Variants in FAM20B observed in about 807,000 individuals in gnomAD.
The protein encoded by FAM20B is glycosaminoglycan xylosylkinase.
In FAM20B, 23 loss-of-function variants were observed where a neutral mutation model predicts 43.8. The observed-to-expected ratio is 0.53, with a 90% CI of 0.38 to 0.74. The LOEUF is 0.74. Among genes scored for constraint, FAM20B ranks in the 30% least tolerant of loss-of-function variants. The probability of loss-of-function intolerance (pLI) is 0.00; values close to 1 mark genes in which losing one functional copy is unlikely to be tolerated. For synonymous variants in FAM20B, 178 were observed against 192.4 expected, an observed-to-expected ratio of 0.93 and a Z score of 0.62; for missense variants, 440 against 510.5, an observed-to-expected ratio of 0.86 and a Z score of 1.33.
chr1:179,072,398 T>C lies in FAM20B; in HGVS notation c.*254T>C, dbSNP rs1249356286. ...TTGCTCATTCTAGGGTTGGGCATCATAGTTGGTCAGTCTTAATTCCCATGC... is the reference window on the plus strand; with the variant it reads ...TTGCTCATTCTAGGGTTGGGCATCACAGTTGGTCAGTCTTAATTCCCATGC... On this transcript the variant is annotated 3_prime_UTR_variant, in exon 8 of 8. Transcript: ENST00000263733. 2.0e-6 allele frequency: 1 copy of C among 490,132 alleles called. No individual in the cohort carries two copies. The highest frequency in any genetic ancestry group is 3.6e-5 in the East Asian group (1 of 27,446). The allele number at this position is 490,132 out of a possible 1,614,324, so 30.4% of individuals were successfully genotyped here.
At chr1:179,033,729 T>C (rs937962845) in intron 1 of FAM20B, among the ~76,000 whole-genome samples, 6 of 152,198 alleles carry the variant, frequency 3.9e-5, no homozygotes, top group African/African-American at 1.4e-4. Flanking sequence ...AGTCTTGCTC[T>C]GTCACCAGGC....
intron 1 of FAM20B, among the ~76,000 whole-genome samples, chr1:179,036,413 A>T (rs534221165): frequency 3.9e-4 from 60 of 152,356 alleles, no homozygotes; most frequent in African/African-American, 1.3e-3. Flanking sequence ...CATTAAAATA[A>T]ATGACCGTAA....
intron 1 of FAM20B, among the ~76,000 whole-genome samples, chr1:179,039,372 A>G (rs762611123): frequency 6.6e-6 from 1 of 152,238 alleles, no homozygotes; most frequent in Non-Finnish European, 1.5e-5. Context: ...GGTCAGCCCC[A>G]TGCTAGAAGG....
At position 179,072,089 on chromosome 1, in the gene FAM20B, A is replaced by C. The variant is rs774110328; in HGVS notation, c.1175A>C (p.Gln392Pro). ...GCCACCGTGAAGCAGTGCACCGACC[A>C]GTTTGGGATGGACACAGTACTGGTG... ...VLATVKQCTDQFGMDTVLVED... is the reference protein window; with the variant it reads ...VLATVKQCTDPFGMDTVLVED... Residue 392 changes from glutamine to proline, a missense_variant, in exon 8 of 8, where the codon CAG becomes CCG. Transcript: ENST00000263733. 1.9e-6 allele frequency: 3 copies of C among 1,614,142 alleles called. No individual in the cohort carries two copies. Among genetic ancestry groups the C allele is most frequent in the Non-Finnish European group, 2.5e-6 (3 of 1,180,024 alleles).
chr1:179,058,989 G>C (rs1489014675), intron 4 of FAM20B, among the ~76,000 whole-genome samples: 1 of 152,168 alleles, frequency 6.6e-6, no homozygotes, highest in Non-Finnish European at 1.5e-5. Flanking sequence ...GGGAGGTGGA[G>C]CAGAGAAAGA....
Position 179,072,018 on chromosome 1 carries a change from T to C in FAM20B, c.1104T>C (p.Ser368=). 3 of 1,614,212 alleles carry C rather than the reference T, an allele frequency of 1.9e-6. No homozygotes were observed. The highest frequency in any genetic ancestry group is 2.5e-6 in the Non-Finnish European group (3 of 1,180,032). The change falls in exon 8 of 8, where the codon TCT becomes TCC. Residue 368 remains serine (S), a synonymous_variant. Transcript: ENST00000263733. The part of the protein sequence containing the change: ...MAHDPISPVL[S]DPHLDAVDQR... ...ATGACCCCATCTCCCCAGTGCTCTCTGATCCTCATCTGGACGCCGTGGACC... is the reference window on the plus strand; with the variant it reads ...ATGACCCCATCTCCCCAGTGCTCTCCGATCCTCATCTGGACGCCGTGGACC...
At chr1:179,044,960 T>TTTCAGTG (rs1650702592) in intron 2 of FAM20B, among the ~76,000 whole-genome samples, 1 of 152,222 alleles carries the variant, frequency 6.6e-6, no homozygotes, top group African/African-American at 2.4e-5. Flanking sequence ...CTCACCAGGG[T>TTTCAGTG]TTGGCATCAG....
At chr1:179,026,647 G>A (rs769715140) in intron 1 of FAM20B, among the ~76,000 whole-genome samples, 1 of 152,238 alleles carries the variant, frequency 6.6e-6, no homozygotes, top group Non-Finnish European at 1.5e-5. Context: ...CCCGGGGCCC[G>A]CGGTCTCCTG....
chr1:179,054,972 A>G (rs761102634), intron 4 of FAM20B, among the ~76,000 whole-genome samples: 3 of 152,200 alleles, frequency 2.0e-5, no homozygotes, highest in Non-Finnish European at 2.9e-5. Context: ...TATTGTTTGT[A>G]TATCATTGGC....
intron 1 of FAM20B, chr1:179,035,327 G>A: frequency 4.4e-6 from 3 of 674,448 alleles, no homozygotes; most frequent in East Asian, 6.0e-5. Flanking sequence ...TTTGGTGGGG[G>A]TCGTGGGGCA....
At chr1:179,033,117 CT>C (rs903746118) in intron 1 of FAM20B, among the ~76,000 whole-genome samples, 14 of 152,112 alleles carry the variant, frequency 9.2e-5, no homozygotes, top group African/African-American at 3.4e-4. Context: ...GTGTGTCTAA[CT>C]TTTTTTGCAC....
chr1:179,018,601 C>G, the FAM20B span, among the ~76,000 whole-genome samples: 1 of 152,244 alleles, frequency 6.6e-6, no homozygotes. Flanking sequence ...GCCACCATGC[C>G]CGGCCCCAAA....
chr1:179,047,980 A>G (rs1202415123), intron 2 of FAM20B, among the ~76,000 whole-genome samples: 4 of 152,220 alleles, frequency 2.6e-5, no homozygotes, highest in African/African-American at 9.6e-5. Flanking sequence ...CTGATTATCC[A>G]TGTCCTGCTC....
rs776260489 is a variant in FAM20B, at chr1:179,044,223, C to A, written c.376C>A (p.Arg126=). The A allele has an allele frequency of 7.5e-6, 12 of 1,597,986 alleles. No homozygotes were observed. Among genetic ancestry groups the A allele is most frequent in the Non-Finnish European group, 1.0e-5 (12 of 1,170,578 alleles). ...GGQKVVFKPK[R]YSRDHVVEGE... ...CCAGAAAGTTGTTTTCAAACCTAAGCGGTAAGTTTTGATCTTGGAAGCTGC... is the reference window on the plus strand; with the variant it reads ...CCAGAAAGTTGTTTTCAAACCTAAGAGGTAAGTTTTGATCTTGGAAGCTGC... Residue 126 remains arginine (R), a splice_region_variant and synonymous_variant, in exon 2 of 8, where the codon CGG becomes AGG. Coordinates refer to ENST00000263733, the MANE Select transcript of FAM20B (RefSeq NM_014864.4).
At chr1:179,019,484 T>TGA in the FAM20B span, among the ~76,000 whole-genome samples, 17 of 148,822 alleles carry the variant, frequency 1.1e-4, no homozygotes, top group Non-Finnish European at 2.4e-4. Context: ...TTTTTTGAGA[T>TGA]GGAGTTTTGC....
chr1:179,071,601 A>G (rs142973890), intron 7 of FAM20B, among the ~76,000 whole-genome samples: 4 of 152,304 alleles, frequency 2.6e-5, no homozygotes, highest in South Asian at 4.1e-4. Flanking sequence ...ATTCCTTTCA[A>G]TGGATGAACC....
Position 179,072,974 on chromosome 1 carries a change from A to G in FAM20B, c.*830A>G, listed in dbSNP as rs1364211044. On this transcript the variant is annotated 3_prime_UTR_variant, in exon 8 of 8. Transcript: ENST00000263733. ...AAAATACTATTACAATCTAAGCATGATTCTCTGTGGAGACTAATTTTTTCC... is the reference window on the plus strand; with the variant it reads ...AAAATACTATTACAATCTAAGCATGGTTCTCTGTGGAGACTAATTTTTTCC... The G allele has an allele frequency of 6.6e-6, 1 of 152,240 alleles. No individual in the cohort carries two copies. The highest frequency in any genetic ancestry group is 2.4e-5 in the African/African-American group (1 of 41,468). 9.4% of individuals were successfully genotyped at this position (152,240 alleles called of 1,614,324 possible).
chr1:179,045,543 T>TGGGAAATATATGTCAGTGATG (rs1650728530), intron 2 of FAM20B, among the ~76,000 whole-genome samples: 1 of 152,156 alleles, frequency 6.6e-6, no homozygotes, highest in Non-Finnish European at 1.5e-5. Context: ...GGTCTGGAAC[T>TGGGAAATATATGTCAGTGATG]GGGAAATATA....
chr1:179,018,378 C>G, the FAM20B span, among the ~76,000 whole-genome samples: 2 of 152,178 alleles, frequency 1.3e-5, no homozygotes, highest in Non-Finnish European at 2.9e-5. Flanking sequence ...ACAATCTCAG[C>G]TCACTGCAAA....
Sources: allele counts gnomAD v4.1 joint callset (sites outside exome capture counted in the v4.1 genomes callset), GRCh38; gene constraint gnomAD v4.1.1; transcripts MANE v1.5; gene names NCBI Gene and HGNC (gene_info 2026-07-23, HGNC 2026-07-21).